The following NALCN variants were observed in gnomAD, a reference collection of about 807,000 sequenced individuals.
NALCN encodes the protein sodium leak channel NALCN.
In NALCN, 111 loss-of-function variants were observed where a neutral mutation model predicts 225.3. That is an observed-to-expected ratio of 0.49 (90% confidence interval 0.42 to 0.58). NALCN has a LOEUF of 0.58. Ranked by LOEUF, NALCN falls within the 20% of genes least tolerant of loss-of-function variation. The probability of loss-of-function intolerance (pLI) is 0.00; values close to 1 mark genes in which losing one functional copy is unlikely to be tolerated. For synonymous variants in NALCN, 764 were observed against 769.0 expected (o/e 0.99, Z 0.11); for missense variants, 1,378 against 2,202.4 (o/e 0.63, Z 7.49).
intron 18 of NALCN, among the ~76,000 whole-genome samples, chr13:101,114,453 C>T (rs1020377136): frequency 2.6e-5 from 4 of 151,542 alleles, no homozygotes; most frequent in African/African-American, 9.7e-5. Flanking sequence ...CTCTCTCTCT[C>T]GCTGACTTGC....
At chr13:101,300,575 A>C (rs902754599) in intron 7 of NALCN, among the ~76,000 whole-genome samples, 1 of 151,920 alleles carries the variant, frequency 6.6e-6, no homozygotes, top group Non-Finnish European at 1.5e-5. Context: ...TCAGCCTCCC[A>C]AGGAGCTGGG....
intron 13 of NALCN, among the ~76,000 whole-genome samples, chr13:101,227,266 C>T (rs1217747561): frequency 6.6e-6 from 1 of 152,148 alleles, no homozygotes; most frequent in Non-Finnish European, 1.5e-5. Flanking sequence ...CCTTATCTCA[C>T]CCATCTGCAA....
intron 15 of NALCN, among the ~76,000 whole-genome samples, chr13:101,147,527 C>T (rs1442606258): frequency 2.0e-5 from 3 of 151,412 alleles, no homozygotes; most frequent in African/African-American, 7.3e-5. Flanking sequence ...TTTTAACAAA[C>T]AAACAAAAAA....
chr13:101,126,633 C>CA (rs2036246856), intron 17 of NALCN, among the ~76,000 whole-genome samples: 1 of 152,034 alleles, frequency 6.6e-6, no homozygotes, highest in African/African-American at 2.4e-5. Flanking sequence ...GCTGGGACTA[C>CA]AGGTGCCCGC....
chr13:101,145,456 A>T (rs1401195231), intron 15 of NALCN, among the ~76,000 whole-genome samples: 3 of 152,230 alleles, frequency 2.0e-5, no homozygotes, highest in African/African-American at 7.2e-5. Flanking sequence ...GGCTGCAAAC[A>T]TGCTTGGACA....
At chr13:101,310,379 G>A (rs2044298551) in intron 7 of NALCN, among the ~76,000 whole-genome samples, 1 of 152,044 alleles carries the variant, frequency 6.6e-6, no homozygotes, top group African/African-American at 2.4e-5. Context: ...CTCATATGAG[G>A]AGGAGAGCAT....
chr13:101,400,727 G>A (rs1281660560), intron 1 of NALCN, among the ~76,000 whole-genome samples: 1 of 152,078 alleles, frequency 6.6e-6, no homozygotes, highest in Non-Finnish European at 1.5e-5. Flanking sequence ...ACCTGGGCAG[G>A]TATCTCTGCC....
At chr13:101,400,397 T>G (rs896206433) in intron 1 of NALCN, among the ~76,000 whole-genome samples, 1 of 152,050 alleles carries the variant, frequency 6.6e-6, no homozygotes, top group Non-Finnish European at 1.5e-5. Context: ...AAAAAGAGGC[T>G]GAGTCAGGAA....
intron 14 of NALCN, among the ~76,000 whole-genome samples, chr13:101,179,731 A>G (rs1249238808): frequency 6.6e-6 from 1 of 152,076 alleles, no homozygotes; most frequent in Non-Finnish European, 1.5e-5. Context: ...GATGTCCTCC[A>G]TATGCGCTTC....
Position 101,285,358 on chromosome 13 carries a change from G to C in NALCN, c.1048-1339C>G, listed in dbSNP as rs1476320962. Among the ~76,000 whole-genome samples the C allele has an allele frequency of 2.6e-5, 4 of 151,926 alleles. No individual in the cohort carries two copies. The South Asian group carries it at 6.3e-4, about 24-fold the overall frequency. On this transcript the variant is annotated intron_variant, in intron 9 of 43. Coordinates refer to ENST00000251127, the MANE Select transcript of NALCN (RefSeq NM_052867.4). ...TCTGTCGCCCAGGCTGGAGTGTAGGGGCGTGATCTCCACTCACTCCAACCT... is the reference window on the plus strand; with the variant it reads ...TCTGTCGCCCAGGCTGGAGTGTAGGCGCGTGATCTCCACTCACTCCAACCT...
intron 1 of NALCN, among the ~76,000 whole-genome samples, chr13:101,409,890 CTCAAG>C (rs1160240712): frequency 1.3e-5 from 2 of 152,178 alleles, no homozygotes; most frequent in East Asian, 3.9e-4. Flanking sequence ...TTCTGCCTTC[CTCAAG>C]TCATATGTTG....
intron 34 of NALCN, among the ~76,000 whole-genome samples, chr13:101,077,471 T>C (rs908553483): frequency 1.3e-5 from 2 of 152,138 alleles, no homozygotes; most frequent in African/African-American, 4.8e-5. Context: ...AAGTCCAGGC[T>C]GAGGTGGTCT....
intron 10 of NALCN, among the ~76,000 whole-genome samples, chr13:101,267,025 C>A (rs928096683): frequency 2.0e-5 from 3 of 152,188 alleles, no homozygotes; most frequent in Non-Finnish European, 4.4e-5. Context: ...AGAAGGGAAT[C>A]CACATGTCCA....
intron 10 of NALCN, among the ~76,000 whole-genome samples, chr13:101,258,870 A>C (rs1566496604): frequency 6.6e-6 from 1 of 152,220 alleles, no homozygotes; most frequent in African/African-American, 2.4e-5. Flanking sequence ...GTTGGGTAGT[A>C]TTTATCCTTA....
At chr13:101,395,467 A>T in intron 2 of NALCN, 102 bp from the exon 3 acceptor site, 1 of 1,114,034 alleles carries the variant, frequency 9.0e-7, no homozygotes, top group Non-Finnish European at 1.3e-6. Flanking sequence ...AGGTTAAAAT[A>T]GTTTACTAAT....
At chr13:101,240,575 A>G (rs1476418858) in intron 11 of NALCN, among the ~76,000 whole-genome samples, 2 of 152,028 alleles carry the variant, frequency 1.3e-5, no homozygotes, top group African/African-American at 2.4e-5. Flanking sequence ...TTTATTTTGG[A>G]GTTAATCATA....
At chr13:101,315,500 C>T (rs1175234058) in intron 7 of NALCN, among the ~76,000 whole-genome samples, 1 of 152,090 alleles carries the variant, frequency 6.6e-6, no homozygotes, top group African/African-American at 2.4e-5. Context: ...GATGAATTCA[C>T]AGCTGACTGC....
chr13:101,147,022 G>A (rs1470234353), intron 15 of NALCN, among the ~76,000 whole-genome samples: 2 of 152,162 alleles, frequency 1.3e-5, no homozygotes, highest in East Asian at 1.9e-4. Context: ...TGACTTGGGG[G>A]CTCTAGATGT....
At chr13:101,300,083 A>C (rs973272192) in intron 7 of NALCN, among the ~76,000 whole-genome samples, 1 of 152,116 alleles carries the variant, frequency 6.6e-6, no homozygotes, top group African/African-American at 2.4e-5. Flanking sequence ...ACTCAACATA[A>C]TGAACATTTG....
Sources: gnomAD v4.1 joint callset for allele counts (sites outside exome capture counted in the v4.1 genomes callset) on GRCh38, gnomAD v4.1.1 for gene constraint, MANE v1.5 for transcripts, NCBI Gene and HGNC (gene_info 2026-07-23, HGNC 2026-07-21) for gene names.